Variants in HEATR1 observed in about 807,000 individuals in gnomAD.
HEATR1 encodes the protein HEAT repeat-containing protein 1.
In HEATR1, 77 loss-of-function variants were observed where a neutral mutation model predicts 248.2. The observed-to-expected ratio is 0.31, with a 90% CI of 0.26 to 0.37. HEATR1 has a LOEUF of 0.37. Ranked by LOEUF, HEATR1 falls within the 10% of genes least tolerant of loss-of-function variation. The probability of loss-of-function intolerance (pLI) is 1.00; values close to 1 mark genes in which losing one functional copy is unlikely to be tolerated. For missense variants in HEATR1, 2,420 were observed against 2,504.9 expected (o/e 0.97, Z 0.72); for synonymous variants, 897 against 923.1 (o/e 0.97, Z 0.51).
rs1230488285 is a variant in HEATR1, at chr1:236,582,795, T to C, written c.2503A>G (p.Met835Val). The change falls in exon 19 of 45, where the codon ATG becomes GTG. Residue 835 changes from methionine (M) to valine (V), a missense_variant. By Grantham distance (21) the Met-to-Val change is conservative. Transcript: ENST00000366582. ...YLHLLIGLFEMMLNGADAVHF... is the reference protein window; with the variant it reads ...YLHLLIGLFEVMLNGADAVHF... ...ACAGCATCGGCACCATTGAGCATCA[T>C]CTCAAACAGCCCAATGAGCAAGTGC... is the stretch of plus-strand genomic sequence containing the variant. The C allele has an allele frequency of 6.2e-7, 1 of 1,614,138 alleles. No individual in the cohort carries two copies. The highest frequency in any genetic ancestry group is 1.3e-5 in the African/African-American group (1 of 75,032).
At chr1:236,553,241 C>A (rs951319749) in intron 43 of HEATR1, among the ~76,000 whole-genome samples, 2 of 152,270 alleles carry the variant, frequency 1.3e-5, no homozygotes, top group East Asian at 3.9e-4. Flanking sequence ...CTCTCTGGAG[C>A]ACAATGACAT....
At chr1:236,554,386 T>G (rs1418761476) in intron 42 of HEATR1, among the ~76,000 whole-genome samples, 2 of 152,204 alleles carry the variant, frequency 1.3e-5, no homozygotes, top group Non-Finnish European at 2.9e-5. Context: ...AGCAAGACCC[T>G]GTCTCAAAAC....
At chr1:236,561,351 G>A (rs1572034571) in intron 32 of HEATR1, 80 bp from the exon 33 acceptor site, 19 of 1,109,912 alleles carry the variant, frequency 1.7e-5, no homozygotes, top group East Asian at 4.7e-5. Context: ...AATGAAACTC[G>A]GACCATTCAC....
intron 28 of HEATR1, among the ~76,000 whole-genome samples, chr1:236,570,178 A>C (rs1479355724): frequency 1.3e-5 from 2 of 152,076 alleles, no homozygotes; most frequent in African/African-American, 4.8e-5. Context: ...AGTCCTAGCT[A>C]CTCGGGAGGC....
At chr1:236,573,996 C>T in intron 24 of HEATR1, 1 of 392,550 alleles carries the variant, frequency 2.5e-6, no homozygotes, top group Non-Finnish European at 4.5e-6. Flanking sequence ...TTAAAATTAT[C>T]AACAAATACT....
At chr1:236,591,403 T>G (rs1337118417) in intron 11 of HEATR1, among the ~76,000 whole-genome samples, 2 of 152,096 alleles carry the variant, frequency 1.3e-5, no homozygotes, top group Non-Finnish European at 1.5e-5. Context: ...AACCTAAGAT[T>G]TGGAAATGCA....
At chr1:236,563,562 A>AT (rs1230119201) in intron 32 of HEATR1, among the ~76,000 whole-genome samples, 11 of 152,080 alleles carry the variant, frequency 7.2e-5, no homozygotes, top group Non-Finnish European at 1.2e-4. Context: ...GTGAGCGAGG[A>AT]TTTTTCTCTC....
intron 17 of HEATR1, 130 bp from the exon 18 acceptor site, chr1:236,583,326 C>T: frequency 2.9e-6 from 2 of 698,510 alleles, no homozygotes; most frequent in South Asian, 5.1e-5. Flanking sequence ...ATTAACAGAA[C>T]TGCTTTGGTC....
chr1:236,595,958 G>A lies in HEATR1; in HGVS notation c.831C>T (p.Thr277=). The part of the protein sequence containing the change: ...QISVKVTMEN[T]FVNSLASQII... ...TCTGTGATGCCAATGAATTCACAAAGGTATTTTCCATGGTCACTTTCACAG... is the reference window on the plus strand; with the variant it reads ...TCTGTGATGCCAATGAATTCACAAAAGTATTTTCCATGGTCACTTTCACAG... Residue 277 remains threonine (T), a synonymous_variant, in exon 7 of 45, where the codon ACC becomes ACT. Transcript: ENST00000366582. 5 of 1,613,486 alleles carry A rather than the reference G, an allele frequency of 3.1e-6. No individual in the cohort carries two copies. The highest frequency in any genetic ancestry group is 4.2e-6 in the Non-Finnish European group (5 of 1,179,562).
chr1:236,580,518 C>CATTTTT (rs1663689230), intron 20 of HEATR1, among the ~76,000 whole-genome samples: 1 of 45,868 alleles, frequency 2.2e-5, no homozygotes. Flanking sequence ...GATGTACAGC[C>CATTTTT]CTTTTTTTTT....
chr1:236,575,680 G>A (rs576881266), intron 22 of HEATR1, among the ~76,000 whole-genome samples: 13 of 152,266 alleles, frequency 8.5e-5, no homozygotes, highest in Non-Finnish European at 1.8e-4. Context: ...GAAGCACACA[G>A]GCATTTCTGT....
At chr1:236,566,588 T>C (rs1663277526) in intron 30 of HEATR1, 58 bp downstream of exon 30, 1 of 1,238,942 alleles carries the variant, frequency 8.1e-7, no homozygotes, top group Admixed American at 1.9e-5. Context: ...CTGGACAATA[T>C]CATAAAATCT....
chr1:236,599,391 T>A, intron 4 of HEATR1, 92 bp downstream of exon 4: 1 of 987,824 alleles, frequency 1.0e-6, no homozygotes, highest in East Asian at 2.6e-5. Context: ...TTATCTGGAC[T>A]ATCCCCAGGA....
chr1:236,601,135 T>A (rs1468342001), intron 3 of HEATR1, among the ~76,000 whole-genome samples: 2 of 152,204 alleles, frequency 1.3e-5, no homozygotes, highest in Non-Finnish European at 2.9e-5. Context: ...TTTTAAATAT[T>A]CTTTGTCTGA....
Position 236,565,999 on chromosome 1 carries a change from C to A in HEATR1, c.4355G>T (p.Cys1452Phe). 1.2e-6 allele frequency: 2 copies of A among 1,613,960 alleles called. No individual in the cohort carries two copies. Among genetic ancestry groups the A allele is most frequent in the South Asian group, 2.2e-5 (2 of 91,072 alleles). Residue 1452 changes from cysteine to phenylalanine, a missense_variant, in exon 31 of 45, where the codon TGT (cysteine) becomes TTT (phenylalanine). By Grantham distance (205) the Cys-to-Phe change is radical. Coordinates refer to ENST00000366582, the MANE Select transcript of HEATR1 (RefSeq NM_018072.6). ...TATCTGATGCTGGACACTAAACTCA[C>A]AACAGACTGAAAACCAAAATTCAGT... ...ADTEFWFSVC[C>F]EFSVQHQIQS...
chr1:236,577,108 G>A (rs1386260715), intron 20 of HEATR1, among the ~76,000 whole-genome samples, 159 bp from the exon 21 acceptor site: 2 of 151,112 alleles, frequency 1.3e-5, no homozygotes, highest in Non-Finnish European at 2.9e-5. Flanking sequence ...AGAAAGGTTA[G>A]GCATATGTTA....
rs775934094 is a variant in HEATR1 at position 236,585,049 on chromosome 1, CTTCT to C, written c.2213_2216del (p.Lys738SerfsTer19). On this transcript the variant is annotated frameshift_variant, in exon 17 of 45. Transcript: ENST00000366582. LOFTEE classifies it high-confidence loss of function. ...CCACTGCAGTAATGACACTTTCAAG[CTTCT>C]TTATTTTTTTCTGCAACAAACTGAA... is the stretch of plus-strand genomic sequence containing the variant. 2 of 1,613,102 alleles carry C rather than the reference CTTCT, an allele frequency of 1.2e-6. No homozygotes were observed. The highest frequency in any genetic ancestry group is 1.7e-6 in the Non-Finnish European group (2 of 1,179,686).
intron 3 of HEATR1, among the ~76,000 whole-genome samples, chr1:236,602,455 A>C (rs985555650): frequency 6.6e-6 from 1 of 152,232 alleles, no homozygotes; most frequent in Non-Finnish European, 1.5e-5. Flanking sequence ...CCTAGTGTAT[A>C]AATGCTCAAA....
At chr1:236,579,771 A>C (rs1408965987) in intron 20 of HEATR1, among the ~76,000 whole-genome samples, 1 of 152,184 alleles carries the variant, frequency 6.6e-6, no homozygotes, top group Non-Finnish European at 1.5e-5. Flanking sequence ...TTGAAATTAC[A>C]TATCTACTTT....
Sources: gnomAD v4.1 joint callset for allele counts (sites outside exome capture counted in the v4.1 genomes callset) on GRCh38, gnomAD v4.1.1 for gene constraint, MANE v1.5 for transcripts, NCBI Gene and HGNC (gene_info 2026-07-23, HGNC 2026-07-21) for gene names.